Variants in ANKS1B observed in about 807,000 individuals in gnomAD.
The protein encoded by ANKS1B is ankyrin repeat and sterile alpha motif domain-containing protein 1B.
A neutral mutation model predicts 148.3 loss-of-function variants in ANKS1B; 36 were observed. That is an observed-to-expected ratio of 0.24 (90% CI 0.19 to 0.32). The LOEUF (loss-of-function observed/expected upper bound fraction) is 0.32, where lower values mean the gene tolerates loss of function less well. Ranked by LOEUF, ANKS1B falls within the 10% of genes least tolerant of loss-of-function variation. ANKS1B has a pLI of 1.00. For synonymous variants in ANKS1B, 542 were observed against 560.8 expected (o/e 0.97, Z 0.47); for missense variants, 1,157 against 1,542.6 (o/e 0.75, Z 4.19).
At chr12:99,609,229 T>C (rs1188007336) in intron 9 of ANKS1B, among the ~76,000 whole-genome samples, 2 of 152,008 alleles carry the variant, frequency 1.3e-5, no homozygotes, top group African/African-American at 4.8e-5. Flanking sequence ...ATACAGCCTT[T>C]TAAAAAAATC....
At chr12:98,792,061 G>A (rs1202037715) in intron 22 of ANKS1B, among the ~76,000 whole-genome samples, 5 of 152,096 alleles carry the variant, frequency 3.3e-5, no homozygotes, top group Non-Finnish European at 4.4e-5. Context: ...GAAAATTCAC[G>A]CTTTAGAAGT....
At chr12:99,755,473 G>A (rs1027425837) in intron 8 of ANKS1B, among the ~76,000 whole-genome samples, 1 of 151,406 alleles carries the variant, frequency 6.6e-6, no homozygotes, top group African/African-American at 2.4e-5. Context: ...GAAAAGGAGG[G>A]ACTCCTCCCT....
chr12:99,916,594 G>C (rs775662648), intron 1 of ANKS1B, among the ~76,000 whole-genome samples: 3 of 152,150 alleles, frequency 2.0e-5, no homozygotes, highest in Non-Finnish European at 2.9e-5. Context: ...CATTATAATA[G>C]AAAGGGACAA....
At chr12:98,934,960 GGGCA>G (rs1464006093) in intron 17 of ANKS1B, among the ~76,000 whole-genome samples, 2 of 151,404 alleles carry the variant, frequency 1.3e-5, no homozygotes, top group African/African-American at 4.9e-5. Context: ...CTTTCAATTT[GGGCA>G]CCTTTTTTCC....
At chr12:99,039,551 A>G (rs374278720) in intron 17 of ANKS1B, among the ~76,000 whole-genome samples, 42 of 152,344 alleles carry the variant, frequency 2.8e-4, no homozygotes, top group East Asian at 1.9e-3. Context: ...GTCTTGCCCC[A>G]GTGGAATAAG....
chr12:99,886,003 C>G (rs111279421), intron 1 of ANKS1B, among the ~76,000 whole-genome samples: 1 of 152,170 alleles, frequency 6.6e-6, no homozygotes, highest in Non-Finnish European at 1.5e-5. Flanking sequence ...ATCCATTCAT[C>G]AGCTGATGGA....
chr12:99,452,178 T>C (rs2095753556), intron 10 of ANKS1B, among the ~76,000 whole-genome samples: 2 of 152,002 alleles, frequency 1.3e-5, no homozygotes, highest in South Asian at 4.1e-4. Flanking sequence ...CCACAGGAAA[T>C]ATATAAGCAA....
intron 17 of ANKS1B, among the ~76,000 whole-genome samples, chr12:98,902,228 T>C (rs868382890): frequency 9.2e-5 from 14 of 152,324 alleles, no homozygotes; most frequent in South Asian, 2.1e-4. Flanking sequence ...TACAGCTCCA[T>C]TGAGCCACAG....
At chr12:99,266,703 C>T (rs1206607633) in intron 12 of ANKS1B, among the ~76,000 whole-genome samples, 8 of 152,078 alleles carry the variant, frequency 5.3e-5, no homozygotes, top group Non-Finnish European at 8.8e-5. Context: ...TCTACAGTCA[C>T]GGGTTTAAGG....
chr12:99,372,556 T>A (rs1233169033), intron 12 of ANKS1B, among the ~76,000 whole-genome samples: 3 of 152,192 alleles, frequency 2.0e-5, no homozygotes, highest in Non-Finnish European at 4.4e-5. Flanking sequence ...TATTTTATGA[T>A]ATGTTTTCCA....
chr12:99,158,676 A>C (rs1021434207), intron 14 of ANKS1B, among the ~76,000 whole-genome samples: 1 of 149,966 alleles, frequency 6.7e-6, no homozygotes, highest in Admixed American at 6.7e-5. Flanking sequence ...TAATGTAAAA[A>C]TGTTTATTCC....
intron 9 of ANKS1B, among the ~76,000 whole-genome samples, chr12:99,514,286 T>C (rs1345408986): frequency 2.0e-5 from 3 of 152,026 alleles, no homozygotes; most frequent in Admixed American, 6.6e-5. Context: ...TCTGCTAGAA[T>C]TAAAGCACCA....
At position 99,691,047 on chromosome 12, in the gene ANKS1B, A is replaced by G. The variant is rs113301050; in HGVS notation, c.1129-35837T>C. Among the ~76,000 whole-genome samples the G allele has an allele frequency of 3.6e-3, 548 of 152,328 alleles. 2 individuals are homozygous for G. The highest frequency in any genetic ancestry group is 0.01 in the Middle Eastern group (3 of 294). The stretch of plus-strand genomic sequence containing the variant: ...TCTGTGCACCCATAGGCTCAACACT[A>G]TGTGGAAGACACCAAGGCTTGGGGC... On this transcript the variant is annotated intron_variant, in intron 8 of 26. Transcript: ENST00000683438.
intron 1 of ANKS1B, among the ~76,000 whole-genome samples, chr12:99,925,528 G>C (rs958704050): frequency 6.6e-6 from 1 of 152,154 alleles, no homozygotes; most frequent in African/African-American, 2.4e-5. Flanking sequence ...AGCCAAGAAA[G>C]TATATAGTGG....
At chr12:98,879,173 C>T (rs2099699870) in intron 17 of ANKS1B, among the ~76,000 whole-genome samples, 1 of 152,074 alleles carries the variant, frequency 6.6e-6, no homozygotes, top group African/African-American at 2.4e-5. Context: ...CCTTTGTGGA[C>T]CAAGGATGAA....
chr12:99,270,742 C>T (rs918271431), intron 12 of ANKS1B, among the ~76,000 whole-genome samples: 1 of 152,188 alleles, frequency 6.6e-6, no homozygotes, highest in African/African-American at 2.4e-5. Context: ...GATGTCACTC[C>T]ATTACACAAA....
intron 17 of ANKS1B, among the ~76,000 whole-genome samples, chr12:98,879,607 T>G (rs895326388): frequency 6.6e-6 from 1 of 152,154 alleles, no homozygotes; most frequent in Non-Finnish European, 1.5e-5. Context: ...TCCCCTCTCC[T>G]CCAATATCAA....
chr12:99,620,202 G>C (rs2098029382), intron 9 of ANKS1B, among the ~76,000 whole-genome samples: 1 of 152,104 alleles, frequency 6.6e-6, no homozygotes, highest in Non-Finnish European at 1.5e-5. Flanking sequence ...AAGGGAAAAG[G>C]ACATTTTGAA....
chr12:99,387,852 A>C, intron 12 of ANKS1B, among the ~76,000 whole-genome samples: 1 of 152,016 alleles, frequency 6.6e-6, no homozygotes, highest in East Asian at 1.9e-4. Context: ...CTTTAGCCAC[A>C]GTTCATGTAA....
Sources: gnomAD v4.1 joint callset for allele counts (sites outside exome capture counted in the v4.1 genomes callset) on GRCh38, gnomAD v4.1.1 for gene constraint, MANE v1.5 for transcripts, NCBI Gene and HGNC (gene_info 2026-07-23, HGNC 2026-07-21) for gene names.